The following PRKD2 variants were observed in gnomAD, a reference collection of about 807,000 sequenced individuals.
The protein encoded by PRKD2 is protein kinase D2.
PRKD2 carries 22 observed loss-of-function variants against 86.0 expected under a neutral mutation model. That is an observed-to-expected ratio of 0.26 (90% CI 0.18 to 0.37). The LOEUF is 0.37. Among genes scored for constraint, PRKD2 ranks in the 10% least tolerant of loss-of-function variants. PRKD2 has a pLI of 1.00. For synonymous variants in PRKD2, 509 were observed against 510.9 expected, an observed-to-expected ratio of 1.00 and a Z score of 0.05; for missense variants, 818 against 1,199.2, an observed-to-expected ratio of 0.68 and a Z score of 4.70.
rs1205820813 is a variant in PRKD2, at chr19:46,693,271, T to G, written c.1576+604A>C. Among the ~76,000 whole-genome samples, 1 of 152,098 alleles carries G rather than the reference T, an allele frequency of 6.6e-6. No homozygotes were observed. Among genetic ancestry groups the G allele is most frequent in the Non-Finnish European group, 1.5e-5 (1 of 68,018 alleles). ...CTCTGAGCCCCATGAGGGCAGGTCT[T>G]GGGCTGTCCTGGCCACCACTGGGTC... On this transcript the variant is annotated intron_variant, in intron 10 of 17. Coordinates refer to ENST00000291281, the MANE Select transcript of PRKD2 (RefSeq NM_016457.5). The surrounding 1 kb of genome is among the most constrained non-coding windows in gnomAD (Gnocchi z 4.5).
At chr19:46,684,702 C>T (rs1393609780) in intron 14 of PRKD2, among the ~76,000 whole-genome samples, 3 of 152,146 alleles carry the variant, frequency 2.0e-5, no homozygotes, top group South Asian at 2.1e-4. Context: ...CGGTGGCTTA[C>T]GCCTGTAATC....
chr19:46,706,984 C>G (rs796123509), intron 3 of PRKD2, among the ~76,000 whole-genome samples: 1 of 151,776 alleles, frequency 6.6e-6, no homozygotes, highest in African/African-American at 2.4e-5. Context: ...CCTCCACCCC[C>G]TCAGGTTCAA....
At position 46,678,812 on chromosome 19, in the gene PRKD2, G is replaced by C; in HGVS notation, c.2071-149C>G. 1.1e-6 allele frequency: 1 copy of C among 900,372 alleles called. No individual in the cohort carries two copies. Among genetic ancestry groups the C allele is most frequent in the Non-Finnish European group, 1.6e-6 (1 of 609,180 alleles). 55.8% of individuals were successfully genotyped at this position (900,372 alleles called of 1,614,324 possible). The stretch of plus-strand genomic sequence containing the variant: ...TTGGCTCACTAGCTGAGCAACCCTG[G>C]GCAGGTGACTTCCCCCCTCTGTGCC... On this transcript the variant is annotated intron_variant, in intron 15 of 17. Coordinates refer to ENST00000291281, the MANE Select transcript of PRKD2 (RefSeq NM_016457.5). The surrounding 1 kb of genome is among the most constrained non-coding windows in gnomAD (Gnocchi z 5.7).
chr19:46,685,253 C>T (rs1288179986), intron 14 of PRKD2, among the ~76,000 whole-genome samples: 44 of 121,500 alleles, frequency 3.6e-4, no homozygotes, highest in African/African-American at 1.1e-3. Context: ...AGTGAGACTT[C>T]GTCTCAAAAA....
intron 5 of PRKD2, among the ~76,000 whole-genome samples, chr19:46,702,299 CA>C (rs1289343336): frequency 6.6e-6 from 1 of 151,986 alleles, no homozygotes; most frequent in African/African-American, 2.4e-5. Flanking sequence ...CTAAGCCTCC[CA>C]AAGTGCTGGG....
intron 9 of PRKD2, among the ~76,000 whole-genome samples, chr19:46,694,385 A>C (rs1051186704): frequency 1.3e-5 from 2 of 151,852 alleles, no homozygotes; most frequent in African/African-American, 4.8e-5. Flanking sequence ...ACTTGAGGTC[A>C]GGAGTTCGAG....
chr19:46,685,653 T>G (rs2053386258), intron 14 of PRKD2: 1 of 152,234 alleles, frequency 6.6e-6, no homozygotes, highest in South Asian at 2.1e-4. Flanking sequence ...TTTCCACACC[T>G]GAAGTCTGGA....
intron 5 of PRKD2, among the ~76,000 whole-genome samples, chr19:46,702,433 C>T (rs1472149311): frequency 2.6e-5 from 4 of 152,052 alleles, no homozygotes; most frequent in African/African-American, 4.8e-5. Flanking sequence ...CTTTAATGTC[C>T]AAGATTTTAG....
chr19:46,674,643 C>T lies in PRKD2; in HGVS notation c.2517G>A (p.Gln839=), dbSNP rs757614240. 1 of 1,607,976 alleles carries T rather than the reference C, an allele frequency of 6.2e-7. No homozygotes were observed. Among genetic ancestry groups the T allele is most frequent in the South Asian group, 1.1e-5 (1 of 91,062 alleles). ...THESDDARWE[Q]FAAEHPLPGS... The stretch of plus-strand genomic sequence containing the variant: ...CAGGCAGCGGATGCTCTGCTGCAAA[C>T]TGCTCCCAGCGCGCGTCGTCACTCT... The change falls in exon 18 of 18, where the codon CAG becomes CAA. Residue 839 remains glutamine (Q), a synonymous_variant. Transcript: ENST00000291281.
intron 14 of PRKD2, chr19:46,685,303 C>CTAGATAGA (rs2053380729): frequency 6.6e-6 from 1 of 151,220 alleles, no homozygotes; most frequent in African/African-American, 2.4e-5. Flanking sequence ...AGGTTGGAAG[C>CTAGATAGA]TAGATAGATC....
intron 12 of PRKD2, among the ~76,000 whole-genome samples, chr19:46,691,300 T>C (rs1372105653): frequency 6.6e-6 from 1 of 152,004 alleles, no homozygotes; most frequent in Non-Finnish European, 1.5e-5. Context: ...TCCTATTCAA[T>C]CAGAATCTAG....
At chr19:46,680,943 TA>T (rs1264002043) in intron 15 of PRKD2, among the ~76,000 whole-genome samples, 1,467 of 55,816 alleles carry the variant, frequency 0.026, 49 homozygotes, top group African/African-American at 0.073. Context: ...TATATATATA[TA>T]TATTTTTTTT....
In PRKD2 at chr19:46,674,367, G is replaced by A. The variant is rs529337714; in HGVS notation, c.*156C>T. ...AGATGAGTCCGTTTTAATTGCTGGG[G>A]AAACAGGGAGGGGCCTTGGAAATAG... On this transcript the variant is annotated 3_prime_UTR_variant, in exon 18 of 18. Transcript: ENST00000291281. 6.7e-6 allele frequency: 5 copies of A among 751,674 alleles called. No homozygotes were observed. The African/African-American group carries it at 7.0e-5, about 11-fold the overall frequency. The allele number at this position is 751,674 out of a possible 1,614,324, so 46.6% of individuals were successfully genotyped here. A position where few individuals can be genotyped will look rare whatever the true frequency, so the allele number is the denominator to read the frequency against.
intron 1 of PRKD2, among the ~76,000 whole-genome samples, chr19:46,715,072 C>T (rs2053865905): frequency 6.6e-6 from 1 of 152,206 alleles, no homozygotes; most frequent in African/African-American, 2.4e-5. Context: ...GGGACTCCAA[C>T]ATGCTCACAT....
Position 46,704,531 on chromosome 19 carries a change from G to A in PRKD2, c.630C>T (p.Gly210=). 2 of 1,614,154 alleles carry A rather than the reference G, an allele frequency of 1.2e-6. No homozygotes were observed. The highest frequency in any genetic ancestry group is 1.7e-6 in the Non-Finnish European group (2 of 1,180,018). ...SLASGHSVRL[G]TSESLPCTAE... is the part of the protein sequence containing the mutation. ...CCGTGCAGGGCAGGGACTCGGAGGT[G>A]CCGAGGCGCACCGAGTGGCCACTGG... Residue 210 remains glycine (G), a synonymous_variant, in exon 4 of 18, where the codon GGC becomes GGT. Transcript: ENST00000291281.
At chr19:46,714,028 A>T in intron 1 of PRKD2, 27 bp from the exon 2 acceptor site, 1 of 1,609,786 alleles carries the variant, frequency 6.2e-7, no homozygotes, top group Non-Finnish European at 8.5e-7. Flanking sequence ...GGATGTGGCG[A>T]CGGAAAAGCT....
intron 14 of PRKD2, among the ~76,000 whole-genome samples, chr19:46,687,957 C>A (rs949272004): frequency 3.6e-4 from 55 of 152,164 alleles, no homozygotes; most frequent in Non-Finnish European, 1.0e-4. Context: ...CAGCCTCAAC[C>A]ACCTAGGTTC....
rs777529822 is a variant in PRKD2 at position 46,690,710 on chromosome 19, C to A, written c.1703-4G>T. ...CGGCCTGTCTTCCGGTGTTTTCCTG[C>A]ACAGGGAGTAGAAGAGATGGGGGAT... On this transcript the variant is annotated splice_region_variant and splice_polypyrimidine_tract_variant and intron_variant, in intron 12 of 17. Transcript: ENST00000291281. 1.9e-6 allele frequency: 3 copies of A among 1,613,504 alleles called. No individual in the cohort carries two copies. Among genetic ancestry groups the A allele is most frequent in the Admixed American group, 1.7e-5 (1 of 59,974 alleles).
chr19:46,688,350 T>C (rs1262386332), intron 14 of PRKD2, among the ~76,000 whole-genome samples: 1 of 151,978 alleles, frequency 6.6e-6, no homozygotes, highest in Non-Finnish European at 1.5e-5. Flanking sequence ...GCCTGACTGA[T>C]CATTTATTTT....
Sources: gnomAD v4.1 joint callset for allele counts (sites outside exome capture counted in the v4.1 genomes callset) on GRCh38, gnomAD v4.1.1 for gene constraint, Gnocchi (gnomAD v3.1) non-coding constraint, MANE v1.5 for transcripts, NCBI Gene and HGNC (gene_info 2026-07-23, HGNC 2026-07-21) for gene names.